The following SOX2 variants were observed in gnomAD, a reference collection of about 807,000 sequenced individuals.
SOX2 encodes SRY-box transcription factor 2, also known as transcription factor SOX-2.
A neutral mutation model predicts 19.7 loss-of-function variants in SOX2; 2 were observed. The ratio of observed to expected loss-of-function variants is 0.10; its 90% confidence interval spans 0.04 to 0.32. The LOEUF is 0.32. Among genes scored for constraint, SOX2 ranks in the 10% least tolerant of loss-of-function variants. The pLI is 1.00. For missense variants in SOX2, 294 were observed against 459.9 expected, an observed-to-expected ratio of 0.64 and a Z score of 3.30; for synonymous variants, 211 against 196.8, an observed-to-expected ratio of 1.07 and a Z score of -0.60.
chr3:181,713,609 G>GGGT lies in SOX2; in HGVS notation c.*295_*296insGGT. 1 of 424,576 alleles carries GGGT rather than the reference G, an allele frequency of 2.4e-6. No homozygotes were observed. The allele number at this position is 424,576 out of a possible 1,614,324, so 26.3% of individuals were successfully genotyped here. A position where few individuals can be genotyped will look rare whatever the true frequency, so the allele number is the denominator to read the frequency against. On this transcript the variant is annotated 3_prime_UTR_variant, in exon 1 of 1. Coordinates refer to ENST00000325404, the MANE Select transcript of SOX2 (RefSeq NM_003106.4). ...ACAGAGAAAACCTGGGGAGGGTGGG[G>GGGT]AGGGCGGGGGAATGGACCTTGTATA...
rs1714927446 is a variant in SOX2 at position 181,714,268 on chromosome 3, A to T, written c.*954A>T. 1 of 237,048 alleles carries T rather than the reference A, an allele frequency of 4.2e-6. No individual in the cohort carries two copies. Among genetic ancestry groups the T allele is most frequent in the South Asian group, 1.8e-4 (1 of 5,442 alleles). The allele number at this position is 237,048 out of a possible 1,614,324, so 14.7% of individuals were successfully genotyped here. A position where few individuals can be genotyped will look rare whatever the true frequency, so the allele number is the denominator to read the frequency against. ...AGGTTTTCCCCCCTTTATTTTCCGT[A>T]GTTGTATTTTAAAAGATTCGGCTCT... On this transcript the variant is annotated 3_prime_UTR_variant, in exon 1 of 1. Coordinates refer to ENST00000325404, the MANE Select transcript of SOX2 (RefSeq NM_003106.4).
In SOX2 at chr3:181,712,432, C is replaced by G; in HGVS notation, c.72C>G (p.Asn24Lys). Residue 24 changes from asparagine (N) to lysine (K), a missense_variant, in exon 1 of 1, where the codon AAC becomes AAG. Transcript: ENST00000325404. This position sits in a 1 kb window ranked among gnomAD's most constrained non-coding sequence, Gnocchi z 8.5. The part of the protein sequence containing the change: ...PQQTSGGGGG[N>K]STAAAAGGNQ... ...AAACTTCGGGGGGCGGCGGCGGCAA[C>G]TCCACCGCGGCGGCGGCCGGCGGCA... 1 of 1,604,398 alleles carries G rather than the reference C, an allele frequency of 6.2e-7. No individual in the cohort carries two copies. The highest frequency in any genetic ancestry group is 8.5e-7 in the Non-Finnish European group (1 of 1,175,490).
rs1242913623 is a variant in SOX2 at position 181,713,224 on chromosome 3, C to T, written c.864C>T (p.Ala288=). The T allele has an allele frequency of 3.1e-6, 5 of 1,612,492 alleles. No homozygotes were observed. Among genetic ancestry groups the T allele is most frequent in the South Asian group, 2.2e-5 (2 of 91,058 alleles). Residue 288 remains alanine, a synonymous_variant, in exon 1 of 1, where the codon GCC becomes GCT. Transcript: ENST00000325404. ...GCGCCGAGGTGCCGGAACCCGCCGC[C>T]CCCAGCAGACTTCACATGTCCCAGC... ...LPGAEVPEPA[A]PSRLHMSQHY... is the part of the protein sequence containing the mutation.
In SOX2 at chr3:181,714,347, A is replaced by G. The variant is rs557415087; in HGVS notation, c.*1033A>G. The G allele has an allele frequency of 4.2e-6, 1 of 238,712 alleles. No homozygotes were observed. The highest frequency in any genetic ancestry group is 8.9e-6 in the Non-Finnish European group (1 of 112,316). 14.8% of individuals were successfully genotyped at this position (238,712 alleles called of 1,614,324 possible). On this transcript the variant is annotated 3_prime_UTR_variant, in exon 1 of 1. Transcript: ENST00000325404. ...CCATGTATATATTTGAACTAATATC[A>G]TCCTTATAACAGGTACATTTTCAAC...
chr3:181,712,322 G>A lies in SOX2; in HGVS notation c.-39G>A. ...CAAAGTCCCGGCCGGGCCGAGGGTC[G>A]GCGGCCGCCGGCGGGCCGGGCCCGC... On this transcript the variant is annotated 5_prime_UTR_variant, in exon 1 of 1. Coordinates refer to ENST00000325404, the MANE Select transcript of SOX2 (RefSeq NM_003106.4). This position sits in a 1 kb window ranked among gnomAD's most constrained non-coding sequence, Gnocchi z 8.5. 1.5e-6 allele frequency: 2 copies of A among 1,334,810 alleles called. No individual in the cohort carries two copies. Among genetic ancestry groups the A allele is most frequent in the Non-Finnish European group, 1.9e-6 (2 of 1,048,816 alleles). The allele number at this position is 1,334,810 out of a possible 1,614,324, so 82.7% of individuals were successfully genotyped here.
rs1207683228 is a variant in SOX2, at chr3:181,712,713, C to A, written c.353C>A (p.Thr118Lys). The change falls in exon 1 of 1, where the codon ACG (threonine) becomes AAG (lysine). Residue 118 changes from threonine to lysine, a missense_variant. Physicochemically the swap from Thr to Lys is moderately conservative, Grantham distance 78 (BLOSUM62 -1). Coordinates refer to ENST00000325404, the MANE Select transcript of SOX2 (RefSeq NM_003106.4). This position sits in a 1 kb window ranked among gnomAD's most constrained non-coding sequence, Gnocchi z 8.5. Reference sequence around the variant, plus strand: ...TACCGGCCCCGGCGGAAAACCAAGACGCTCATGAAGAAGGATAAGTACACG... The same window carrying A: ...TACCGGCCCCGGCGGAAAACCAAGAAGCTCATGAAGAAGGATAAGTACACG... Reference protein sequence around the residue: ...YKYRPRRKTKTLMKKDKYTLP... With the variant: ...YKYRPRRKTKKLMKKDKYTLP... 6.2e-7 allele frequency: 1 copy of A among 1,613,634 alleles called. No homozygotes were observed. The highest frequency in any genetic ancestry group is 8.5e-7 in the Non-Finnish European group (1 of 1,179,762).
chr3:181,713,355 A>G lies in SOX2; in HGVS notation c.*41A>G, dbSNP rs1410368368. 13 of 1,550,910 alleles carry G rather than the reference A, an allele frequency of 8.4e-6. No homozygotes were observed. Among genetic ancestry groups the G allele is most frequent in the Non-Finnish European group, 1.1e-5 (13 of 1,147,156 alleles). On this transcript the variant is annotated 3_prime_UTR_variant, in exon 1 of 1. Transcript: ENST00000325404. The stretch of plus-strand genomic sequence containing the variant: ...CTGGAGGGGGGAGAAATTTTCAAAG[A>G]AAAACGAGGGAAATGGGAGGGGTGC...
At position 181,712,292 on chromosome 3, in the gene SOX2, C is replaced by A. The variant is rs1274882244; in HGVS notation, c.-69C>A. 5.7e-6 allele frequency: 7 copies of A among 1,231,522 alleles called. No individual in the cohort carries two copies. The highest frequency in any genetic ancestry group is 7.2e-6 in the Non-Finnish European group (7 of 977,440). 76.3% of individuals were successfully genotyped at this position (1,231,522 alleles called of 1,614,324 possible). A position where few individuals can be genotyped will look rare whatever the true frequency, so the allele number is the denominator to read the frequency against. On this transcript the variant is annotated 5_prime_UTR_variant, in exon 1 of 1. Coordinates refer to ENST00000325404, the MANE Select transcript of SOX2 (RefSeq NM_003106.4). This position sits in a 1 kb window ranked among gnomAD's most constrained non-coding sequence, Gnocchi z 8.5. ...CTCCTCCTCTCCCCCCGCCCGCGGG[C>A]CCCCCAAAGTCCCGGCCGGGCCGAG...
Position 181,713,662 on chromosome 3 carries a change from A to C in SOX2, c.*348A>C, listed in dbSNP as rs770900877. On this transcript the variant is annotated 3_prime_UTR_variant, in exon 1 of 1. Transcript: ENST00000325404. Reference sequence around the variant, plus strand: ...TCTGGAGGAAAGAAAGCTACGAAAAACTTTTTAAAAGTTCTAGTGGTACGG... The same window carrying C: ...TCTGGAGGAAAGAAAGCTACGAAAACCTTTTTAAAAGTTCTAGTGGTACGG... 8.9e-5 allele frequency: 37 copies of C among 416,552 alleles called. No homozygotes were observed. The highest frequency in any genetic ancestry group is 1.5e-4 in the Non-Finnish European group (34 of 224,920). 25.8% of individuals were successfully genotyped at this position (416,552 alleles called of 1,614,324 possible).
rs1042314116 is a variant in SOX2, at chr3:181,713,417, G to A, written c.*103G>A. ...GTAAGAAACAGCATGGAGAAAACCC[G>A]GTACGCTCAAAAAGAAAAAGGAAAA... is the stretch of plus-strand genomic sequence containing the variant. On this transcript the variant is annotated 3_prime_UTR_variant, in exon 1 of 1. Coordinates refer to ENST00000325404, the MANE Select transcript of SOX2 (RefSeq NM_003106.4). The A allele has an allele frequency of 7.0e-7, 1 of 1,422,336 alleles. No individual in the cohort carries two copies. The highest frequency in any genetic ancestry group is 9.6e-7 in the Non-Finnish European group (1 of 1,040,468). 88.1% of individuals were successfully genotyped at this position (1,422,336 alleles called of 1,614,324 possible).
Position 181,712,059 on chromosome 3 carries a change from AAAGG to A in SOX2, c.-301_-298del. 1 of 333,584 alleles carries A rather than the reference AAAGG, an allele frequency of 3.0e-6. No individual in the cohort carries two copies. The highest frequency in any genetic ancestry group is 5.4e-6 in the Non-Finnish European group (1 of 185,614). 20.7% of individuals were successfully genotyped at this position (333,584 alleles called of 1,614,324 possible). ...GAGAGAAAGAAGAGGAGAGAGAAAG[AAAGG>A]GAGAGAAGTTTGAGCCCCAGGCTTA... On this transcript the variant is annotated 5_prime_UTR_variant, in exon 1 of 1. Transcript: ENST00000325404. This position sits in a 1 kb window ranked among gnomAD's most constrained non-coding sequence, Gnocchi z 8.5.
rs1215809294 is a variant in SOX2, at chr3:181,712,759, C to A, written c.399C>A (p.Ala133=). 6.2e-7 allele frequency: 1 copy of A among 1,608,074 alleles called. No individual in the cohort carries two copies. Among genetic ancestry groups the A allele is most frequent in the East Asian group, 2.2e-5 (1 of 44,606 alleles). The change falls in exon 1 of 1, where the codon GCC becomes GCA. Residue 133 remains alanine, a synonymous_variant. Transcript: ENST00000325404. The surrounding 1 kb of genome is among the most constrained non-coding windows in gnomAD (Gnocchi z 8.5). ...DKYTLPGGLL[A]PGGNSMASGV... is the part of the protein sequence containing the mutation. Reference sequence around the variant, plus strand: ...ACACGCTGCCCGGCGGGCTGCTGGCCCCCGGCGGCAATAGCATGGCGAGCG... The same window carrying A: ...ACACGCTGCCCGGCGGGCTGCTGGCACCCGGCGGCAATAGCATGGCGAGCG...
In SOX2 at chr3:181,712,707, C is replaced by G. The variant is rs2108522243; in HGVS notation, c.347C>G (p.Thr116Ser). ...PDYKYRPRRK[T>S]KTLMKKDKYT... is the part of the protein sequence containing the mutation. ...TATAAATACCGGCCCCGGCGGAAAA[C>G]CAAGACGCTCATGAAGAAGGATAAG... Residue 116 changes from threonine (T) to serine (S), a missense_variant, in exon 1 of 1, where the codon ACC becomes AGC. Physicochemically the swap from Thr to Ser is moderately conservative, Grantham distance 58. Transcript: ENST00000325404. This position sits in a 1 kb window ranked among gnomAD's most constrained non-coding sequence, Gnocchi z 8.5. 6.2e-7 allele frequency: 1 copy of G among 1,613,834 alleles called. No homozygotes were observed. The highest frequency in any genetic ancestry group is 8.5e-7 in the Non-Finnish European group (1 of 1,179,848).
In SOX2 at chr3:181,712,954, C is replaced by T. The variant is rs2108522928; in HGVS notation, c.594C>T (p.His198=). 3 of 1,613,936 alleles carry T rather than the reference C, an allele frequency of 1.9e-6. No individual in the cohort carries two copies. Among genetic ancestry groups the T allele is most frequent in the South Asian group, 1.1e-5 (1 of 91,090 alleles). The stretch of plus-strand genomic sequence containing the variant: ...GCGCAGCGCAGATGCAGCCCATGCA[C>T]CGCTACGACGTGAGCGCCCTGCAGT... ...AHGAAQMQPM[H]RYDVSALQYN... Residue 198 remains histidine, a synonymous_variant, in exon 1 of 1, where the codon CAC becomes CAT. Transcript: ENST00000325404. This position sits in a 1 kb window ranked among gnomAD's most constrained non-coding sequence, Gnocchi z 8.5.
chr3:181,713,289 G>A lies in SOX2; in HGVS notation c.929G>A (p.Gly310Asp), dbSNP rs2108523892. ...SGPVPGTAINGTLPLSHM is the reference protein window; with the variant it reads ...SGPVPGTAINDTLPLSHM ...CCGGTGCCCGGCACGGCCATTAACGGCACACTGCCCCTCTCACACATGTGA... is the reference window on the plus strand; with the variant it reads ...CCGGTGCCCGGCACGGCCATTAACGACACACTGCCCCTCTCACACATGTGA... The change falls in exon 1 of 1, where the codon GGC becomes GAC. Residue 310 changes from glycine (G) to aspartate (D), a missense_variant. This residue lies in a region of SOX2 where 223 missense variants were observed against 292.7 expected (regional missense o/e 0.76). Coordinates refer to ENST00000325404, the MANE Select transcript of SOX2 (RefSeq NM_003106.4). The A allele has an allele frequency of 6.3e-7, 1 of 1,587,574 alleles. No homozygotes were observed. The highest frequency in any genetic ancestry group is 8.6e-7 in the Non-Finnish European group (1 of 1,167,142).
chr3:181,712,627 G>A lies in SOX2; in HGVS notation c.267G>A (p.Pro89=), dbSNP rs1576852903. The change falls in exon 1 of 1, where the codon CCG becomes CCA. Residue 89 remains proline (P), a synonymous_variant. Coordinates refer to ENST00000325404, the MANE Select transcript of SOX2 (RefSeq NM_003106.4). The surrounding 1 kb of genome is among the most constrained non-coding windows in gnomAD (Gnocchi z 8.5). ...WKLLSETEKR[P]FIDEAKRLRA... ...TTTTGTCGGAGACGGAGAAGCGGCC[G>A]TTCATCGACGAGGCTAAGCGGCTGC... 1 of 1,614,220 alleles carries A rather than the reference G, an allele frequency of 6.2e-7. No individual in the cohort carries two copies.
At position 181,712,393 on chromosome 3, in the gene SOX2, G is replaced by A. The variant is rs771068335; in HGVS notation, c.33G>A (p.Pro11=). 6.4e-7 allele frequency: 1 copy of A among 1,572,562 alleles called. No homozygotes were observed. Among genetic ancestry groups the A allele is most frequent in the Non-Finnish European group, 8.6e-7 (1 of 1,159,926 alleles). The change falls in exon 1 of 1, where the codon CCG becomes CCA. Residue 11 remains proline (P), a synonymous_variant. Transcript: ENST00000325404. This position sits in a 1 kb window ranked among gnomAD's most constrained non-coding sequence, Gnocchi z 8.5. MYNMMETELK[P]PGPQQTSGGG... ...ACATGATGGAGACGGAGCTGAAGCC[G>A]CCGGGCCCGCAGCAAACTTCGGGGG...
At position 181,712,840 on chromosome 3, in the gene SOX2, C is replaced by T. The variant is rs55683010; in HGVS notation, c.480C>T (p.Tyr160=). ...GAGVNQRMDS[Y]AHMNGWSNGS... ...GCGTGAACCAGCGCATGGACAGTTA[C>T]GCGCACATGAACGGCTGGAGCAACG... Residue 160 remains tyrosine (Y), a synonymous_variant, in exon 1 of 1, where the codon TAC becomes TAT. Coordinates refer to ENST00000325404, the MANE Select transcript of SOX2 (RefSeq NM_003106.4). The surrounding 1 kb of genome is among the most constrained non-coding windows in gnomAD (Gnocchi z 8.5). 1 of 1,607,384 alleles carries T rather than the reference C, an allele frequency of 6.2e-7. No homozygotes were observed. The highest frequency in any genetic ancestry group is 8.5e-7 in the Non-Finnish European group (1 of 1,177,534).
In SOX2 at chr3:181,712,085, C is replaced by T; in HGVS notation, c.-276C>T. The T allele has an allele frequency of 2.8e-6, 1 of 361,728 alleles. No individual in the cohort carries two copies. The highest frequency in any genetic ancestry group is 4.9e-6 in the Non-Finnish European group (1 of 204,688). 22.4% of individuals were successfully genotyped at this position (361,728 alleles called of 1,614,324 possible). A position where few individuals can be genotyped will look rare whatever the true frequency, so the allele number is the denominator to read the frequency against. On this transcript the variant is annotated 5_prime_UTR_variant, in exon 1 of 1. Transcript: ENST00000325404. The surrounding 1 kb of genome is among the most constrained non-coding windows in gnomAD (Gnocchi z 8.5). ...AAGGGAGAGAAGTTTGAGCCCCAGGCTTAAGCCTTTCCAAAAAATAATAAT... is the reference window on the plus strand; with the variant it reads ...AAGGGAGAGAAGTTTGAGCCCCAGGTTTAAGCCTTTCCAAAAAATAATAAT...
Sources: gnomAD v4.1 joint callset for allele counts on GRCh38, gnomAD v4.1.1 for gene constraint, gnomAD v4.1.1 regional missense constraint, Gnocchi (gnomAD v3.1) non-coding constraint, MANE v1.5 for transcripts, NCBI Gene and HGNC (gene_info 2026-07-23, HGNC 2026-07-21) for gene names.